Variants in SLCO6A1 observed in about 807,000 individuals in gnomAD.
SLCO6A1 encodes the protein cancer/testis antigen 48.
A neutral mutation model predicts 72.7 loss-of-function variants in SLCO6A1; 65 were observed. The observed-to-expected ratio is 0.89, with a 90% CI of 0.73 to 1.10. The LOEUF (loss-of-function observed/expected upper bound fraction) is 1.10, where lower values mean the gene tolerates loss of function less well. Ranked by LOEUF, SLCO6A1 falls within the 50% of genes least tolerant of loss-of-function variation. The pLI, the probability that SLCO6A1 is intolerant of heterozygous loss-of-function variation, is 0.00. For synonymous variants in SLCO6A1, 314 were observed against 298.2 expected, an observed-to-expected ratio of 1.05 and a Z score of -0.55; for missense variants, 874 against 872.6, an observed-to-expected ratio of 1.00 and a Z score of -0.02.
chr5:102,453,467 G>C lies in SLCO6A1; in HGVS notation c.1131+4915C>G, dbSNP rs142274792. ...CAACACCTGAGCCACCTCAGAGACA[G>C]TTTGTACTGACTTTTTCTTTATATG... On this transcript the variant is annotated intron_variant, in intron 6 of 13. Coordinates refer to ENST00000506729, the MANE Select transcript of SLCO6A1 (RefSeq NM_173488.5). 2.0e-4 allele frequency among the ~76,000 whole-genome samples: 30 copies of C among 152,252 alleles called. No individual in the cohort carries two copies. In the East Asian group the frequency reaches 5.4e-3, roughly 27 times the overall value.
At chr5:102,458,243 A>C (rs1750839079) in intron 6 of SLCO6A1, 139 bp downstream of exon 6, 1 of 590,576 alleles carries the variant, frequency 1.7e-6, no homozygotes, top group Non-Finnish European at 2.9e-6. Context: ...CTAAAACTTA[A>C]AGTATAATAA....
chr5:102,495,302 T>G lies in SLCO6A1; in HGVS notation c.358+3185A>C, dbSNP rs369927949. Among the ~76,000 whole-genome samples, 9 of 152,134 alleles carry G rather than the reference T, an allele frequency of 5.9e-5. No homozygotes were observed. The East Asian group carries it at 1.7e-3, about 29-fold the overall frequency. ...TAGTGTGATGGAAAGTTTCTAAAAT[T>G]TATTGCATTGGCTGGGCATGGTGGC... On this transcript the variant is annotated intron_variant, in intron 1 of 13. Coordinates refer to ENST00000506729, the MANE Select transcript of SLCO6A1 (RefSeq NM_173488.5).
intron 6 of SLCO6A1, among the ~76,000 whole-genome samples, chr5:102,454,329 TA>T (rs1325439850): frequency 6.6e-6 from 1 of 152,222 alleles, no homozygotes; most frequent in African/African-American, 2.4e-5. Context: ...CCTACTCTTC[TA>T]ACCAATGCTC....
chr5:102,407,551 C>A (rs1172061706), intron 9 of SLCO6A1, among the ~76,000 whole-genome samples: 1 of 152,164 alleles, frequency 6.6e-6, no homozygotes, highest in Non-Finnish European at 1.5e-5. Flanking sequence ...CAGTTTTACT[C>A]AATTATATTC....
intron 6 of SLCO6A1, among the ~76,000 whole-genome samples, chr5:102,442,803 C>T (rs1424294445): frequency 6.6e-6 from 1 of 152,156 alleles, no homozygotes; most frequent in African/African-American, 2.4e-5. Flanking sequence ...GTGGCTCATG[C>T]CTGTATTCCC....
chr5:102,429,615 G>C (rs534392412), intron 7 of SLCO6A1, among the ~76,000 whole-genome samples: 4 of 152,174 alleles, frequency 2.6e-5, no homozygotes, highest in Non-Finnish European at 5.9e-5. Context: ...GATGGTTGTA[G>C]GTGTGTGGCC....
chr5:102,413,095 T>G lies in SLCO6A1; in HGVS notation c.1521A>C (p.Arg507Ser). ...TAGAAGAATAAATTGAAGATGAGCA[T>G]CTACATTTTTCATTGCAAGGAGCCG... Reference protein sequence around the residue: ...NLTAPCNEKCRCSSSIYSSIC... With the variant: ...NLTAPCNEKCSCSSSIYSSIC... The change falls in exon 9 of 14, where the codon AGA (arginine) becomes AGC (serine). Residue 507 changes from arginine (R) to serine (S), a missense_variant. Arg to Ser is a moderately radical substitution (Grantham distance 110, BLOSUM62 -1). Coordinates refer to ENST00000506729, the MANE Select transcript of SLCO6A1 (RefSeq NM_173488.5). 6.4e-7 allele frequency: 1 copy of G among 1,570,356 alleles called. No individual in the cohort carries two copies. Among genetic ancestry groups the G allele is most frequent in the Non-Finnish European group, 8.6e-7 (1 of 1,164,928 alleles).
chr5:102,480,512 A>AT, intron 1 of SLCO6A1, 78 bp from the exon 2 acceptor site: 1 of 1,310,396 alleles, frequency 7.6e-7, no homozygotes, highest in Non-Finnish European at 1.1e-6. Flanking sequence ...AGCAAAATTT[A>AT]AATTACATGA....
In SLCO6A1 at chr5:102,416,752, T is replaced by C. The variant is rs189914737; in HGVS notation, c.1472+3074A>G. ...ATGTAAATAAAAAATATATTAAAAA[T>C]GTACTGAGATTGGTTTTGCAATCCG... On this transcript the variant is annotated intron_variant, in intron 8 of 13. Coordinates refer to ENST00000506729, the MANE Select transcript of SLCO6A1 (RefSeq NM_173488.5). Among the ~76,000 whole-genome samples, 110 of 152,256 alleles carry C rather than the reference T, an allele frequency of 7.2e-4. 1 individual carries two copies. The highest frequency in any genetic ancestry group is 3.5e-4 in the Non-Finnish European group (24 of 67,994).
At chr5:102,419,754 T>C in intron 8 of SLCO6A1, 72 bp downstream of exon 8, 1 of 1,187,234 alleles carries the variant, frequency 8.4e-7, no homozygotes, top group Non-Finnish European at 1.2e-6. Context: ...ACTGGATAGA[T>C]AATTATTAAT....
chr5:102,460,544 T>C (rs1228112187), intron 4 of SLCO6A1, among the ~76,000 whole-genome samples: 1 of 152,138 alleles, frequency 6.6e-6, no homozygotes, highest in Non-Finnish European at 1.5e-5. Flanking sequence ...TTTTCATAGT[T>C]GTGAAGCTAT....
intron 6 of SLCO6A1, among the ~76,000 whole-genome samples, chr5:102,442,336 T>C (rs140976455): frequency 3.8e-4 from 58 of 152,334 alleles, no homozygotes; most frequent in African/African-American, 1.3e-3. Context: ...GCATAACCTA[T>C]GTTGTTTTGG....
intron 6 of SLCO6A1, among the ~76,000 whole-genome samples, chr5:102,456,786 C>G (rs2112747945): frequency 6.6e-6 from 1 of 152,244 alleles, no homozygotes; most frequent in South Asian, 2.1e-4. Context: ...AAAGAGCCCT[C>G]ATTGCCAAGA....
chr5:102,433,474 G>T (rs1168317162), intron 7 of SLCO6A1, among the ~76,000 whole-genome samples: 1 of 151,966 alleles, frequency 6.6e-6, no homozygotes. Flanking sequence ...GGGTTTGCTT[G>T]TTGTATAAGG....
intron 1 of SLCO6A1, among the ~76,000 whole-genome samples, chr5:102,492,575 G>A (rs949588455): frequency 1.3e-5 from 2 of 152,138 alleles, no homozygotes; most frequent in Non-Finnish European, 2.9e-5. Context: ...AGTGTGAGCT[G>A]AAGCAGGGGA....
At position 102,480,413 on chromosome 5, in the gene SLCO6A1, T is replaced by C. The variant is rs1391407747; in HGVS notation, c.380A>G (p.Asp127Gly). 6.2e-7 allele frequency: 1 copy of C among 1,612,662 alleles called. No homozygotes were observed. The highest frequency in any genetic ancestry group is 8.5e-7 in the Non-Finnish European group (1 of 1,179,402). ...CTTCTGAAAATCGCCAATGCTGACA[T>C]CTATAAGACCAAACACCACACCTAA... ...ICQGVVFGLI[D>G]VSIGDFQKEY... The change falls in exon 2 of 14, where the codon GAT becomes GGT. Residue 127 changes from aspartate (D) to glycine (G), a missense_variant. Asp to Gly is a moderately conservative substitution (Grantham distance 94). Coordinates refer to ENST00000506729, the MANE Select transcript of SLCO6A1 (RefSeq NM_173488.5).
chr5:102,472,609 G>T lies in SLCO6A1; in HGVS notation c.899+3088C>A, dbSNP rs549697567. 2.6e-5 allele frequency among the ~76,000 whole-genome samples: 4 copies of T among 152,018 alleles called. No homozygotes were observed. In the South Asian group the frequency reaches 8.3e-4, roughly 32 times the overall value. On this transcript the variant is annotated intron_variant, in intron 4 of 13. Transcript: ENST00000506729. Reference sequence around the variant, plus strand: ...ATATATATTTATGTAACTGTAGAAAGGAAATAATAGAGATTACAGCAGAAA... The same window carrying T: ...ATATATATTTATGTAACTGTAGAAATGAAATAATAGAGATTACAGCAGAAA...
In SLCO6A1 at chr5:102,436,136, A is replaced by G. The variant is rs561843677; in HGVS notation, c.1276+2481T>C. Among the ~76,000 whole-genome samples the G allele has an allele frequency of 2.0e-5, 3 of 152,294 alleles. No individual in the cohort carries two copies. In the South Asian group the frequency reaches 6.2e-4, roughly 32 times the overall value. On this transcript the variant is annotated intron_variant, in intron 7 of 13. Transcript: ENST00000506729. The stretch of plus-strand genomic sequence containing the variant: ...ACAAATATACCTTTACAGTAAGAAT[A>G]CTGTAATATTCTTTAGTTATTCCTC...
chr5:102,373,399 T>C lies in SLCO6A1; in HGVS notation c.2113A>G (p.Thr705Ala). 1 of 1,583,000 alleles carries C rather than the reference T, an allele frequency of 6.3e-7. No individual in the cohort carries two copies. The highest frequency in any genetic ancestry group is 1.2e-5 in the South Asian group (1 of 83,956). ...TTCTTAACTTTTGGATTCTTCACAGTTACATCTGGGAAGTCAGTGTTCTCA... is the reference window on the plus strand; with the variant it reads ...TTCTTAACTTTTGGATTCTTCACAGCTACATCTGGGAAGTCAGTGTTCTCA... ...LNENTDFPDV[T>A]VKNPKVKKKE... Residue 705 changes from threonine (T) to alanine (A), a missense_variant, in exon 13 of 14, where the codon ACT (threonine) becomes GCT (alanine). Thr to Ala is a moderately conservative substitution (Grantham distance 58). Coordinates refer to ENST00000506729, the MANE Select transcript of SLCO6A1 (RefSeq NM_173488.5).
Sources: gnomAD v4.1 joint callset for allele counts (sites outside exome capture counted in the v4.1 genomes callset) on GRCh38, gnomAD v4.1.1 for gene constraint, MANE v1.5 for transcripts, NCBI Gene and HGNC (gene_info 2026-07-23, HGNC 2026-07-21) for gene names.